Variants in CTBP2 observed in about 807,000 individuals in gnomAD.
CTBP2 encodes C-terminal-binding protein 2.
CTBP2 carries 30 observed loss-of-function variants against 80.3 expected under a neutral mutation model. The observed-to-expected ratio is 0.37, with a 90% CI of 0.28 to 0.51. The LOEUF is 0.51. CTBP2 is among the 20% of genes least tolerant of loss of function. The probability of loss-of-function intolerance (pLI) is 0.93; values close to 1 mark genes in which losing one functional copy is unlikely to be tolerated. For missense variants in CTBP2, 1,212 were observed against 1,375.3 expected (o/e 0.88, Z 1.88); for synonymous variants, 594 against 587.4 (o/e 1.01, Z -0.16).
chr10:125,133,781 G>A (rs1257128220), intron 1 of CTBP2, among the ~76,000 whole-genome samples: 1 of 152,176 alleles, frequency 6.6e-6, no homozygotes, highest in Admixed American at 6.5e-5. Context: ...TATTTACAAA[G>A]AGTCTCAAAG....
chr10:125,103,342 G>A (rs1263131073), intron 2 of CTBP2, among the ~76,000 whole-genome samples: 2 of 152,170 alleles, frequency 1.3e-5, no homozygotes, highest in African/African-American at 4.8e-5. Context: ...GAATTAAGGG[G>A]ACAATGAGCT....
At chr10:125,031,762 T>G (rs1300083635), upstream of CTBP2, among the ~76,000 whole-genome samples, 1 of 152,202 alleles carries the variant, frequency 6.6e-6, no homozygotes, top group African/African-American at 2.4e-5. Flanking sequence ...GCACCCTTGC[T>G]TGCACACTGA....
chr10:125,113,937 A>G (rs1247272988), intron 1 of CTBP2, among the ~76,000 whole-genome samples: 1 of 152,244 alleles, frequency 6.6e-6, no homozygotes, highest in African/African-American at 2.4e-5. Context: ...TCAGAATTTT[A>G]AAGCAAGTGC....
At chr10:125,151,729 G>A (rs1284667991) in intron 1 of CTBP2, among the ~76,000 whole-genome samples, 2 of 152,194 alleles carry the variant, frequency 1.3e-5, no homozygotes, top group Non-Finnish European at 1.5e-5. Context: ...CTCGAGTGCG[G>A]GCTGGGGGCC....
At chr10:125,011,344 G>A (rs925080371) in intron 1 of CTBP2, among the ~76,000 whole-genome samples, 1 of 152,244 alleles carries the variant, frequency 6.6e-6, no homozygotes, top group East Asian at 1.9e-4. Flanking sequence ...TGACACATGA[G>A]AGGCTCCCAG....
chr10:125,026,520 G>C lies in CTBP2; in HGVS notation c.1240C>G (p.Leu414Val). The C allele has an allele frequency of 6.3e-7, 1 of 1,596,056 alleles. No homozygotes were observed. Among genetic ancestry groups the C allele is most frequent in the Non-Finnish European group, 8.5e-7 (1 of 1,170,384 alleles). Residue 414 changes from leucine (L) to valine (V), a missense_variant, in exon 1 of 9, where the codon CTC (leucine) becomes GTC (valine). Leu to Val is a conservative substitution (Grantham distance 32). Transcript: ENST00000309035. Reference sequence around the variant, plus strand: ...GAATAGGTGGCTGCCGTCTCCAGGAGGTGCTGAGATGGTGCGCTGGAGGGA... The same window carrying C: ...GAATAGGTGGCTGCCGTCTCCAGGACGTGCTGAGATGGTGCGCTGGAGGGA...
intron 2 of CTBP2, among the ~76,000 whole-genome samples, chr10:125,086,711 A>G (rs2135625383): frequency 6.6e-6 from 1 of 151,986 alleles, no homozygotes; most frequent in Non-Finnish European, 1.5e-5. Context: ...CTCATCAGAC[A>G]TCGAATCTGC....
intron 1 of CTBP2, among the ~76,000 whole-genome samples, chr10:125,144,287 A>G (rs1036090466): frequency 6.6e-6 from 1 of 152,132 alleles, no homozygotes; most frequent in East Asian, 1.9e-4. Context: ...ATACACAACC[A>G]TTCTCTGGAC....
At chr10:125,098,660 GAGAGAGAGAGAGA>G (rs1849970680) in intron 2 of CTBP2, among the ~76,000 whole-genome samples, 4 of 18,860 alleles carry the variant, frequency 2.1e-4, no homozygotes, top group African/African-American at 6.7e-4. Flanking sequence ...GGGAGGGGGA[GAGAGAGAGAGAGA>G]GAGAGAGAGA....
At chr10:125,078,076 C>T (rs905835240) in intron 2 of CTBP2, among the ~76,000 whole-genome samples, 1 of 152,034 alleles carries the variant, frequency 6.6e-6, no homozygotes, top group African/African-American at 2.4e-5. Flanking sequence ...GTCAGGAGAT[C>T]GACACCATCC....
chr10:125,116,582 C>G (rs533079180), intron 1 of CTBP2, among the ~76,000 whole-genome samples: 4 of 152,168 alleles, frequency 2.6e-5, no homozygotes, highest in Non-Finnish European at 5.9e-5. Flanking sequence ...GCCCACCCCT[C>G]GGAGGCATCC....
intron 2 of CTBP2, among the ~76,000 whole-genome samples, chr10:125,085,216 C>A (rs1847801675): frequency 6.6e-6 from 1 of 152,108 alleles, no homozygotes; most frequent in Admixed American, 6.5e-5. Flanking sequence ...ATTTTGGTGG[C>A]TAAGGGGAAA....
chr10:125,107,993 AAAT>A (rs748165616), intron 2 of CTBP2, among the ~76,000 whole-genome samples: 3 of 152,242 alleles, frequency 2.0e-5, no homozygotes, highest in African/African-American at 7.2e-5. Context: ...GTACTGCTGC[AAAT>A]ATTAATGCTT....
intron 2 of CTBP2, among the ~76,000 whole-genome samples, chr10:125,082,775 G>C (rs1371045908): frequency 6.6e-6 from 1 of 152,072 alleles, no homozygotes; most frequent in African/African-American, 2.4e-5. Flanking sequence ...TTTTGGTAGA[G>C]ACGGGGTTTC....
intron 1 of CTBP2, among the ~76,000 whole-genome samples, chr10:125,126,356 C>A (rs533592657): frequency 6.6e-6 from 1 of 152,346 alleles, no homozygotes; most frequent in East Asian, 1.9e-4. Flanking sequence ...TCAAAAGTCA[C>A]TGGGACTTAA....
At chr10:125,038,573 C>T (rs977733966) in intron 3 of CTBP2, among the ~76,000 whole-genome samples, 1 of 152,130 alleles carries the variant, frequency 6.6e-6, no homozygotes, top group African/African-American at 2.4e-5. Context: ...GAACACACCA[C>T]GAGGGGCAAT....
chr10:125,060,463 C>CGTGTGTGTGTGTGTGTGTGT, intron 2 of CTBP2, among the ~76,000 whole-genome samples: 1 of 147,968 alleles, frequency 6.8e-6, no homozygotes, highest in South Asian at 2.2e-4. Flanking sequence ...ATTCCCCCCA[C>CGTGTGTGTGTGTGTGTGTGT]GTGTGTGTGT....
At chr10:125,071,262 G>C (rs1845442709) in intron 2 of CTBP2, among the ~76,000 whole-genome samples, 1 of 152,270 alleles carries the variant, frequency 6.6e-6, no homozygotes, top group South Asian at 2.1e-4. Context: ...CCAAGAACAT[G>C]AGAGCCTGGT....
At chr10:125,028,353 T>C (rs1055949670), upstream of CTBP2, among the ~76,000 whole-genome samples, 6 of 152,310 alleles carry the variant, frequency 3.9e-5, no homozygotes, top group East Asian at 1.2e-3. Flanking sequence ...ATAAGGCTGC[T>C]TCAATGTCAG....
Sources: gnomAD v4.1 joint callset for allele counts (sites outside exome capture counted in the v4.1 genomes callset) on GRCh38, gnomAD v4.1.1 for gene constraint, MANE v1.5 for transcripts, NCBI Gene and HGNC (gene_info 2026-07-23, HGNC 2026-07-21) for gene names.